Variants in PTPRM observed in about 807,000 individuals in gnomAD.
PTPRM encodes receptor-type tyrosine-protein phosphatase mu.
In PTPRM, 47 loss-of-function variants were observed where a neutral mutation model predicts 186.7. The observed-to-expected ratio is 0.25, with a 90% CI of 0.20 to 0.32. PTPRM has a LOEUF of 0.32. Ranked by LOEUF, PTPRM falls within the 10% of genes least tolerant of loss-of-function variation. The pLI, the probability that PTPRM is intolerant of heterozygous loss-of-function variation, is 1.00. For missense variants in PTPRM, 1,494 were observed against 1,865.0 expected (o/e 0.80, Z 3.66); for synonymous variants, 668 against 674.9 (o/e 0.99, Z 0.16).
At chr18:7,569,991 T>C (rs2036528452) in intron 1 of PTPRM, among the ~76,000 whole-genome samples, 1 of 152,140 alleles carries the variant, frequency 6.6e-6, no homozygotes. Flanking sequence ...CTGGGTGTGG[T>C]GGCGTGTGAC....
intron 7 of PTPRM, among the ~76,000 whole-genome samples, chr18:7,972,513 G>GAAA (rs11463155): frequency 3.0e-5 from 2 of 65,956 alleles, no homozygotes; most frequent in African/African-American, 1.1e-4. Context: ...ACATGGAATA[G>GAAA]AAAAAAAAAA....
intron 2 of PTPRM, among the ~76,000 whole-genome samples, chr18:7,869,126 G>C (rs753697300): frequency 5.9e-5 from 9 of 152,208 alleles, no homozygotes; most frequent in Non-Finnish European, 1.3e-4. Flanking sequence ...ATCTTAGCTT[G>C]CTGGGCTCCG....
At chr18:8,050,624 AG>A (rs1381925536) in intron 7 of PTPRM, among the ~76,000 whole-genome samples, 1 of 152,202 alleles carries the variant, frequency 6.6e-6, no homozygotes, top group Non-Finnish European at 1.5e-5. Flanking sequence ...AAGGACTTTC[AG>A]TGTGCACAGC....
chr18:8,196,626 A>G (rs1568501688), intron 14 of PTPRM, among the ~76,000 whole-genome samples: 1 of 152,254 alleles, frequency 6.6e-6, no homozygotes, highest in Non-Finnish European at 1.5e-5. Flanking sequence ...TTCAAATTCA[A>G]CACGAAGTCA....
At chr18:8,400,396 T>C (rs1373128759) in intron 32 of PTPRM, among the ~76,000 whole-genome samples, 1 of 152,160 alleles carries the variant, frequency 6.6e-6, no homozygotes, top group Non-Finnish European at 1.5e-5. Flanking sequence ...CAGGCTGCAC[T>C]TGAGAATCCG....
rs923906126 is a variant in PTPRM at position 7,952,637 on chromosome 18, A to G, written c.839-2484A>G. Among the ~76,000 whole-genome samples the G allele has an allele frequency of 3.0e-4, 45 of 151,356 alleles. 1 individual carries two copies. The highest frequency in any genetic ancestry group is 1.1e-3 in the African/African-American group (45 of 41,272). ...TGTGAACCTGGGAGACAGAGCTTGC[A>G]GTGAGCCAAGATGGCGACACTGCAC... On this transcript the variant is annotated intron_variant, in intron 6 of 32. Coordinates refer to ENST00000580170, the MANE Select transcript of PTPRM (RefSeq NM_001105244.2).
intron 10 of PTPRM, among the ~76,000 whole-genome samples, chr18:8,086,830 CAA>C (rs946793509): frequency 3.9e-5 from 6 of 152,056 alleles, no homozygotes; most frequent in African/African-American, 7.2e-5. Context: ...GCAATTATAA[CAA>C]GGGATAATTT....
Position 8,088,791 on chromosome 18 carries a change from A to G in PTPRM, c.1796A>G (p.Gln599Arg). 3 of 1,613,304 alleles carry G rather than the reference A, an allele frequency of 1.9e-6. No homozygotes were observed. Among genetic ancestry groups the G allele is most frequent in the Non-Finnish European group, 2.5e-6 (3 of 1,179,416 alleles). The change falls in exon 11 of 33, where the codon CAA becomes CGA. Residue 599 changes from glutamine to arginine, a missense_variant. By Grantham distance (43) the Gln-to-Arg change is conservative. Coordinates refer to ENST00000580170, the MANE Select transcript of PTPRM (RefSeq NM_001105244.2). ...PAYELETPLN[Q>R]TDNTVTVMLK... is the part of the protein sequence containing the mutation. ...TATGAACTTGAGACACCTTTGAATC[A>G]AACTGACAATACCGTGACAGTCATG...
intron 19 of PTPRM, among the ~76,000 whole-genome samples, chr18:8,264,332 C>A (rs940113018): frequency 6.6e-6 from 1 of 152,170 alleles, no homozygotes; most frequent in African/African-American, 2.4e-5. Flanking sequence ...TCATCATAGA[C>A]AGTTTCACAG....
intron 2 of PTPRM, among the ~76,000 whole-genome samples, chr18:7,844,467 CT>C (rs1337759643): frequency 3.3e-5 from 5 of 152,084 alleles, no homozygotes; most frequent in Non-Finnish European, 7.4e-5. Context: ...GACAAGTTAT[CT>C]CCCTCCCACC....
chr18:8,083,299 T>A (rs1471796776), intron 9 of PTPRM, among the ~76,000 whole-genome samples: 1 of 152,190 alleles, frequency 6.6e-6, no homozygotes, highest in African/African-American at 2.4e-5. Flanking sequence ...CAAAGCACTG[T>A]ACAGTATGGT....
intron 14 of PTPRM, among the ~76,000 whole-genome samples, chr18:8,232,635 T>C (rs563388959): frequency 6.6e-6 from 1 of 152,310 alleles, no homozygotes; most frequent in Non-Finnish European, 1.5e-5. Context: ...GCCATTCTCC[T>C]GCCTCAGCCT....
chr18:7,975,477 T>G lies in PTPRM; in HGVS notation c.1132+20063T>G, dbSNP rs186432616. 2.1e-4 allele frequency among the ~76,000 whole-genome samples: 32 copies of G among 152,324 alleles called. No homozygotes were observed. In the East Asian group the frequency reaches 5.2e-3, roughly 25 times the overall value. On this transcript the variant is annotated intron_variant, in intron 7 of 32. Coordinates refer to ENST00000580170, the MANE Select transcript of PTPRM (RefSeq NM_001105244.2). ...ACACAGAGGAAACTTAAGTGTATAT[T>G]AAGAAGTGAAAGATGCCAATATGGT...
intron 22 of PTPRM, among the ~76,000 whole-genome samples, chr18:8,325,544 A>C (rs899790036): frequency 6.6e-6 from 1 of 151,986 alleles, no homozygotes; most frequent in Admixed American, 6.6e-5. Context: ...TTTGTACTAC[A>C]TTTTCTTTAT....
At chr18:8,213,631 G>A (rs1282572816) in intron 14 of PTPRM, among the ~76,000 whole-genome samples, 1 of 152,116 alleles carries the variant, frequency 6.6e-6, no homozygotes, top group Non-Finnish European at 1.5e-5. Context: ...CTTCATGAAG[G>A]GCACATGAAA....
At chr18:8,046,389 A>G (rs2087057277) in intron 7 of PTPRM, among the ~76,000 whole-genome samples, 1 of 152,226 alleles carries the variant, frequency 6.6e-6, no homozygotes, top group South Asian at 2.1e-4. Flanking sequence ...AAGAGAAGAC[A>G]GTTATTTATT....
chr18:7,721,064 C>T (rs533144310), intron 1 of PTPRM, among the ~76,000 whole-genome samples: 1 of 151,866 alleles, frequency 6.6e-6, no homozygotes, highest in Non-Finnish European at 1.5e-5. Context: ...ACCACAGAGA[C>T]TATAATATTT....
At chr18:7,754,980 G>A (rs530627658) in intron 1 of PTPRM, 4 of 152,254 alleles carry the variant, frequency 2.6e-5, no homozygotes, top group Non-Finnish European at 4.4e-5. Context: ...ACTGTGCTGT[G>A]GCCCAATCCT....
At chr18:8,384,808 CA>C (rs1192828845) in intron 30 of PTPRM, 122 bp downstream of exon 30, 38 of 1,239,596 alleles carry the variant, frequency 3.1e-5, no homozygotes, top group Non-Finnish European at 3.3e-5. Flanking sequence ...GTCAGTGAAC[CA>C]AAAAAACATA....
Sources: allele counts gnomAD v4.1 joint callset (sites outside exome capture counted in the v4.1 genomes callset), GRCh38; gene constraint gnomAD v4.1.1; transcripts MANE v1.5; gene names NCBI Gene and HGNC (gene_info 2026-07-23, HGNC 2026-07-21).